PCSK5: variants seen among roughly 807,000 people sequenced by gnomAD.
PCSK5 encodes the protein proprotein convertase subtilisin/kexin type 5.
Under a neutral mutation model 233.2 loss-of-function variants are expected in PCSK5, and 129 were observed. The ratio of observed to expected loss-of-function variants is 0.55; its 90% CI spans 0.48 to 0.64. The LOEUF (loss-of-function observed/expected upper bound fraction) is 0.64, where lower values mean the gene tolerates loss of function less well. Ranked by LOEUF, PCSK5 falls within the 30% of genes least tolerant of loss-of-function variation. The pLI, the probability that PCSK5 is intolerant of heterozygous loss-of-function variation, is 0.00. For missense variants in PCSK5, 2,076 were observed against 2,430.1 expected (o/e 0.85, Z 3.06); for synonymous variants, 825 against 879.2 (o/e 0.94, Z 1.09).
intron 2 of PCSK5, among the ~76,000 whole-genome samples, chr9:75,971,884 C>T (rs1488662768): frequency 6.6e-6 from 1 of 151,970 alleles, no homozygotes; most frequent in East Asian, 1.9e-4. Flanking sequence ...TGCCTGTTTA[C>T]TCTGATCATA....
chr9:76,118,145 A>G (rs1453613519), intron 9 of PCSK5, among the ~76,000 whole-genome samples: 1 of 152,084 alleles, frequency 6.6e-6, no homozygotes, highest in East Asian at 1.9e-4. Flanking sequence ...TACCTGGAAT[A>G]TAAAGCAATT....
intron 20 of PCSK5, among the ~76,000 whole-genome samples, chr9:76,210,178 T>A (rs1305504893): frequency 6.6e-6 from 1 of 151,960 alleles, no homozygotes; most frequent in South Asian, 2.1e-4. Flanking sequence ...GAGAGTCAGA[T>A]AGGGAAGGGA....
chr9:76,062,417 C>A (rs1393980870), intron 5 of PCSK5, among the ~76,000 whole-genome samples: 4 of 152,012 alleles, frequency 2.6e-5, no homozygotes, highest in Non-Finnish European at 5.9e-5. Context: ...ATAGAAATAG[C>A]TAATAAATAT....
At chr9:76,320,878 G>C (rs1384584048) in intron 30 of PCSK5, among the ~76,000 whole-genome samples, 3 of 148,818 alleles carry the variant, frequency 2.0e-5, no homozygotes, top group African/African-American at 7.4e-5. Context: ...GCAGTGGCAT[G>C]ATCTCGGCTC....
chr9:76,010,101 G>T (rs1249025046), intron 3 of PCSK5, among the ~76,000 whole-genome samples: 4 of 152,058 alleles, frequency 2.6e-5, no homozygotes, highest in Non-Finnish European at 5.9e-5. Flanking sequence ...TTTCTACTTG[G>T]GATACTGATG....
chr9:76,007,205 A>G (rs1258507809), intron 3 of PCSK5, among the ~76,000 whole-genome samples: 2 of 152,084 alleles, frequency 1.3e-5, no homozygotes, highest in Non-Finnish European at 2.9e-5. Context: ...CTGTCCATAT[A>G]TTTTAAAAAT....
Position 75,890,937 on chromosome 9 carries a change from C to A in PCSK5, c.-245C>A. The A allele has an allele frequency of 2.6e-6, 1 of 379,900 alleles. No homozygotes were observed. The allele number at this position is 379,900 out of a possible 1,614,324, so 23.5% of individuals were successfully genotyped here. ...GTCCGAGCCGGGGAGCATCGCCGAG[C>A]GCCCCACGGGCCGGAGAGCTGGGAG... is the stretch of plus-strand genomic sequence containing the variant. On this transcript the variant is annotated 5_prime_UTR_variant, in exon 1 of 38. Transcript: ENST00000674117.
rs1830238212 is a variant in PCSK5 at position 76,354,186 on chromosome 9, GC to G, written c.5224del (p.Gln1742ArgfsTer37). ...CTGCAACACCTCTGATCCCCCCAGT[GC>G]CCAGGAGTGCTGTGACTGCCAGGAC... is the stretch of plus-strand genomic sequence containing the variant. ...HCCNTSDPPS[A>X]QECCDCQDTT... On this transcript the variant is annotated frameshift_variant, in exon 37 of 38. Coordinates refer to ENST00000674117, the MANE Select transcript of PCSK5 (RefSeq NM_001372043.1). LOFTEE classifies it low-confidence loss of function (END_TRUNC). The G allele has an allele frequency of 4.4e-6, 7 of 1,587,744 alleles. No homozygotes were observed. The highest frequency in any genetic ancestry group is 6.0e-6 in the Non-Finnish European group (7 of 1,167,832).
chr9:75,891,499 C>T lies in PCSK5; in HGVS notation c.192+126C>T, dbSNP rs1369669446. The T allele has an allele frequency of 2.5e-5, 19 of 748,342 alleles. No individual in the cohort carries two copies. The Admixed American group carries it at 6.5e-4, about 25-fold the overall frequency. 46.4% of individuals were successfully genotyped at this position (748,342 alleles called of 1,614,324 possible). A position where few individuals can be genotyped will look rare whatever the true frequency, so the allele number is the denominator to read the frequency against. Reference sequence around the variant, plus strand: ...AGCAGCTGTTGCCCTAACTCTTGGGCGATGCTCTGTCTCCTGCGCGCGCGC... The same window carrying T: ...AGCAGCTGTTGCCCTAACTCTTGGGTGATGCTCTGTCTCCTGCGCGCGCGC... On this transcript the variant is annotated intron_variant, in intron 1 of 37. Transcript: ENST00000674117.
At position 76,255,561 on chromosome 9, in the gene PCSK5, C is replaced by T. The variant is rs909720025; in HGVS notation, c.3142+14877C>T. 2.0e-5 allele frequency among the ~76,000 whole-genome samples: 3 copies of T among 152,316 alleles called. No individual in the cohort carries two copies. The East Asian group carries it at 5.8e-4, about 29-fold the overall frequency. On this transcript the variant is annotated intron_variant, in intron 24 of 37. Coordinates refer to ENST00000674117, the MANE Select transcript of PCSK5 (RefSeq NM_001372043.1). ...ATAGGCTAGGCTCAGTGGCTTACAC[C>T]TGTAATCCTAGCACTTTGGGCAGTT...
At chr9:76,196,326 G>C (rs1187939645) in intron 20 of PCSK5, among the ~76,000 whole-genome samples, 1 of 152,218 alleles carries the variant, frequency 6.6e-6, no homozygotes, top group East Asian at 1.9e-4. Flanking sequence ...TAAAGAGGAA[G>C]GTGGCTTTGT....
chr9:76,141,524 G>A (rs952498932), intron 10 of PCSK5, among the ~76,000 whole-genome samples: 3 of 152,024 alleles, frequency 2.0e-5, no homozygotes, highest in African/African-American at 7.2e-5. Flanking sequence ...TATGTGTACA[G>A]TTCAGTGAAT....
At chr9:75,992,095 C>T (rs1171768802) in intron 3 of PCSK5, among the ~76,000 whole-genome samples, 1 of 152,062 alleles carries the variant, frequency 6.6e-6, no homozygotes, top group Non-Finnish European at 1.5e-5. Flanking sequence ...GACCCCATAT[C>T]TAAAATCATA....
chr9:76,150,738 G>A (rs1336195160), intron 10 of PCSK5, among the ~76,000 whole-genome samples: 1 of 152,204 alleles, frequency 6.6e-6, no homozygotes, highest in Non-Finnish European at 1.5e-5. Flanking sequence ...AGCAGCAGAA[G>A]AAAACATTGC....
At chr9:76,143,721 C>T (rs1447219654) in intron 10 of PCSK5, among the ~76,000 whole-genome samples, 1 of 141,840 alleles carries the variant, frequency 7.1e-6, no homozygotes, top group East Asian at 2.0e-4. Flanking sequence ...ATCTTTGCTA[C>T]ATCCCACTTT....
intron 35 of PCSK5, among the ~76,000 whole-genome samples, chr9:76,339,851 T>A (rs1379649893): frequency 1.3e-5 from 2 of 152,096 alleles, no homozygotes; most frequent in Non-Finnish European, 1.5e-5. Context: ...CCAATAAATG[T>A]TTTTATATTT....
At chr9:76,264,070 AC>A (rs1482741945) in intron 24 of PCSK5, among the ~76,000 whole-genome samples, 1 of 152,210 alleles carries the variant, frequency 6.6e-6, no homozygotes, top group African/African-American at 2.4e-5. Flanking sequence ...CTTTAAAGCT[AC>A]AGTAACCAAA....
chr9:76,334,310 A>G (rs1036619034), intron 34 of PCSK5, among the ~76,000 whole-genome samples: 2 of 152,232 alleles, frequency 1.3e-5, no homozygotes, highest in Non-Finnish European at 2.9e-5. Context: ...ACTGACTTTA[A>G]GAGTTTATTC....
At chr9:76,186,751 G>C (rs143627843) in intron 17 of PCSK5, among the ~76,000 whole-genome samples, 3 of 151,876 alleles carry the variant, frequency 2.0e-5, no homozygotes, top group East Asian at 3.8e-4. Flanking sequence ...TAAGTGTTTC[G>C]GTGGTCCTTA....
Sources: allele counts gnomAD v4.1 joint callset (sites outside exome capture counted in the v4.1 genomes callset), GRCh38; gene constraint gnomAD v4.1.1; transcripts MANE v1.5; gene names NCBI Gene and HGNC (gene_info 2026-07-23, HGNC 2026-07-21).